Variants in SYN2 observed in about 807,000 individuals in gnomAD.
SYN2 encodes synapsin-2.
SYN2 carries 19 observed loss-of-function variants against 50.9 expected under a neutral mutation model. The ratio of observed to expected loss-of-function variants is 0.37; its 90% CI spans 0.26 to 0.55. The LOEUF is 0.55. SYN2 is among the 20% of genes least tolerant of loss of function. The probability of loss-of-function intolerance (pLI) is 0.81; values close to 1 mark genes in which losing one functional copy is unlikely to be tolerated. For synonymous variants in SYN2, 255 were observed against 224.9 expected, an observed-to-expected ratio of 1.13 and a Z score of -1.20; for missense variants, 587 against 576.4, an observed-to-expected ratio of 1.02 and a Z score of -0.19.
At chr3:12,103,713 A>T (rs945454644) in intron 1 of SYN2, among the ~76,000 whole-genome samples, 2 of 152,222 alleles carry the variant, frequency 1.3e-5, no homozygotes, top group Non-Finnish European at 2.9e-5. Flanking sequence ...ATATAATTTC[A>T]AGAATAACCC....
rs541997316 is a variant in SYN2 at position 12,121,346 on chromosome 3, T to C, written c.378-19305T>C. Reference sequence around the variant, plus strand: ...CTAGCATCTAGCAGCATCTCACTTATGGTGGATGTTTAATAAATATTTATG... The same window carrying C: ...CTAGCATCTAGCAGCATCTCACTTACGGTGGATGTTTAATAAATATTTATG... On this transcript the variant is annotated intron_variant, in intron 1 of 12. Transcript: ENST00000621198. Among the ~76,000 whole-genome samples, 4 of 152,378 alleles carry C rather than the reference T, an allele frequency of 2.6e-5. No individual in the cohort carries two copies. The South Asian group carries it at 6.2e-4, about 24-fold the overall frequency.
intron 5 of SYN2, chr3:12,154,599 TA>T: frequency 1.3e-6 from 1 of 755,286 alleles, no homozygotes; most frequent in Non-Finnish European, 2.1e-6. Context: ...GACCAATAAA[TA>T]AAACTACTAT....
At chr3:12,183,577 T>C in intron 11 of SYN2, 1 of 1,495,600 alleles carries the variant, frequency 6.7e-7, no homozygotes, top group Non-Finnish European at 8.8e-7. Flanking sequence ...GTGTTTTTCC[T>C]ATGCAGTGTC....
chr3:12,172,221 C>T (rs59222640), intron 10 of SYN2, among the ~76,000 whole-genome samples: 5,163 of 152,256 alleles, frequency 0.034, 270 homozygotes, highest in African/African-American at 0.11. Flanking sequence ...GTTTCCTCAC[C>T]TATAAAATGG....
At chr3:12,044,937 A>G (rs1273761672) in intron 1 of SYN2, among the ~76,000 whole-genome samples, 2 of 152,216 alleles carry the variant, frequency 1.3e-5, no homozygotes, top group East Asian at 3.9e-4. Flanking sequence ...AGGTACACTT[A>G]TCTCTATTTT....
At chr3:12,062,706 A>G (rs1269510528) in intron 1 of SYN2, among the ~76,000 whole-genome samples, 1 of 152,054 alleles carries the variant, frequency 6.6e-6, no homozygotes, top group Non-Finnish European at 1.5e-5. Flanking sequence ...TAGTCTTACC[A>G]TACGATCCAG....
intron 1 of SYN2, among the ~76,000 whole-genome samples, chr3:12,110,717 G>A (rs192397989): frequency 6.6e-6 from 1 of 152,266 alleles, no homozygotes; most frequent in East Asian, 1.9e-4. Context: ...TAGGCCTCTG[G>A]GCCTGTGATG....
chr3:12,159,533 C>T (rs1387715026), intron 5 of SYN2, among the ~76,000 whole-genome samples: 1 of 152,126 alleles, frequency 6.6e-6, no homozygotes, highest in African/African-American at 2.4e-5. Flanking sequence ...AAAGAAGCAG[C>T]CAGTGCTTTA....
chr3:12,149,561 G>A (rs982731065), intron 4 of SYN2, among the ~76,000 whole-genome samples: 3 of 152,166 alleles, frequency 2.0e-5, no homozygotes, highest in East Asian at 1.9e-4. Flanking sequence ...GATGTGATCC[G>A]GGAGCCTGCA....
At chr3:12,053,040 T>TC (rs1320038820) in intron 1 of SYN2, among the ~76,000 whole-genome samples, 5 of 152,174 alleles carry the variant, frequency 3.3e-5, no homozygotes, top group Admixed American at 1.3e-4. Context: ...TAGATATTAT[T>TC]CCCATTTGAT....
In SYN2 at chr3:12,167,276, T is replaced by C. The variant is rs1460188363; in HGVS notation, c.1023T>C (p.Ser341=). Residue 341 remains serine, a synonymous_variant, in exon 8 of 13, where the codon TCT becomes TCC. Transcript: ENST00000621198. ...GGAACTGGAAGACGAACACTGGCTCTGCGATGCTGGAGCAGATTGCCATGT... is the reference window on the plus strand; with the variant it reads ...GGAACTGGAAGACGAACACTGGCTCCGCGATGCTGGAGCAGATTGCCATGT... ...ISGNWKTNTG[S]AMLEQIAMSD... is the part of the protein sequence containing the mutation. The C allele has an allele frequency of 6.2e-7, 1 of 1,613,084 alleles. No homozygotes were observed. The highest frequency in any genetic ancestry group is 1.7e-5 in the Admixed American group (1 of 59,904).
intron 7 of SYN2, among the ~76,000 whole-genome samples, chr3:12,166,400 A>C (rs948744437): frequency 7.9e-5 from 12 of 152,236 alleles, no homozygotes; most frequent in Admixed American, 3.3e-4. Flanking sequence ...GCCCTGTGTT[A>C]ACAGATAACA....
At chr3:12,051,235 A>G (rs888015775) in intron 1 of SYN2, among the ~76,000 whole-genome samples, 1 of 152,166 alleles carries the variant, frequency 6.6e-6, no homozygotes, top group Non-Finnish European at 1.5e-5. Context: ...TTTATCAAAA[A>G]ATTATAGCTT....
At chr3:12,128,258 C>G (rs1252921619) in intron 1 of SYN2, among the ~76,000 whole-genome samples, 1 of 152,114 alleles carries the variant, frequency 6.6e-6, no homozygotes, top group Non-Finnish European at 1.5e-5. Context: ...TATTTACATT[C>G]TTTATGATAC....
At position 12,174,757 on chromosome 3, in the gene SYN2, G is replaced by A. The variant is rs148918865; in HGVS notation, c.1308+4851G>A. 1.3e-4 allele frequency among the ~76,000 whole-genome samples: 20 copies of A among 152,298 alleles called. No individual in the cohort carries two copies. In the East Asian group the frequency reaches 3.9e-3, roughly 29 times the overall value. On this transcript the variant is annotated intron_variant, in intron 10 of 12. Transcript: ENST00000621198. ...GGCCTCCCAAAATGTTGGGATTACAGGCATGAGCCACCGCGCCCAGCCATA... is the reference window on the plus strand; with the variant it reads ...GGCCTCCCAAAATGTTGGGATTACAAGCATGAGCCACCGCGCCCAGCCATA...
intron 1 of SYN2, among the ~76,000 whole-genome samples, chr3:12,057,893 C>T (rs569033561): frequency 6.6e-6 from 1 of 152,266 alleles, no homozygotes; most frequent in African/African-American, 2.4e-5. Context: ...GAAACATAGT[C>T]TTTATTTTGA....
At chr3:12,130,735 G>C (rs148096548) in intron 1 of SYN2, among the ~76,000 whole-genome samples, 1 of 152,346 alleles carries the variant, frequency 6.6e-6, no homozygotes, top group Admixed American at 6.5e-5. Flanking sequence ...AGTTGTTGGA[G>C]AATAGGAAGG....
chr3:12,125,901 C>G (rs896284673), intron 1 of SYN2, among the ~76,000 whole-genome samples: 2 of 151,458 alleles, frequency 1.3e-5, no homozygotes, highest in African/African-American at 2.4e-5. Flanking sequence ...TCTGATGTCC[C>G]CTTGTTATAA....
chr3:12,173,250 C>T (rs1697977467), intron 10 of SYN2, among the ~76,000 whole-genome samples: 1 of 152,180 alleles, frequency 6.6e-6, no homozygotes, highest in Admixed American at 6.5e-5. Flanking sequence ...CATATTCCCA[C>T]CTCCCATTTC....
Sources: allele counts gnomAD v4.1 joint callset (sites outside exome capture counted in the v4.1 genomes callset), GRCh38; gene constraint gnomAD v4.1.1; transcripts MANE v1.5; gene names NCBI Gene and HGNC (gene_info 2026-07-23, HGNC 2026-07-21).